The following BACE2 variants were observed in gnomAD, a reference collection of about 807,000 sequenced individuals.
The protein encoded by BACE2 is 56 kDa aspartic-like protease.
In BACE2, 17 loss-of-function variants were observed where a neutral mutation model predicts 46.2. The observed-to-expected ratio is 0.37, with a 90% confidence interval of 0.25 to 0.55. BACE2 has a LOEUF of 0.55. Among genes scored for constraint, BACE2 ranks in the 20% least tolerant of loss-of-function variants. The pLI is 0.82. For missense variants in BACE2, 595 were observed against 698.1 expected (o/e 0.85, Z 1.66); for synonymous variants, 277 against 295.9 (o/e 0.94, Z 0.66).
chr21:41,175,336 T>C (rs1399935576), intron 1 of BACE2: 1 of 152,046 alleles, frequency 6.6e-6, no homozygotes, highest in Non-Finnish European at 1.5e-5. Context: ...GTCTAGAGAG[T>C]AACGTGGCGA....
At chr21:41,250,956 C>G in intron 7 of BACE2, 55 bp downstream of exon 7, 1 of 1,523,104 alleles carries the variant, frequency 6.6e-7, no homozygotes, top group South Asian at 1.2e-5. Context: ...AGAAAGCACT[C>G]CATGCATGAC....
At chr21:41,190,541 G>A (rs1397628958) in intron 1 of BACE2, among the ~76,000 whole-genome samples, 1 of 152,214 alleles carries the variant, frequency 6.6e-6, no homozygotes, top group Non-Finnish European at 1.5e-5. Context: ...TCACGTGGTT[G>A]TAGCCGGTAT....
At chr21:41,173,113 A>G (rs1478968020) in intron 1 of BACE2, among the ~76,000 whole-genome samples, 1 of 152,208 alleles carries the variant, frequency 6.6e-6, no homozygotes. Context: ...TTTCTGAATA[A>G]GGTTAAGTTC....
intron 8 of BACE2, among the ~76,000 whole-genome samples, chr21:41,261,171 A>G (rs2123635673): frequency 6.6e-6 from 1 of 152,344 alleles, no homozygotes; most frequent in East Asian, 1.9e-4. Flanking sequence ...GAATTTCTAA[A>G]TGATTTATTA....
At chr21:41,179,164 G>A (rs148855535) in intron 1 of BACE2, 15,254 of 1,261,686 alleles carry the variant, frequency 0.012, 115 homozygotes, top group Non-Finnish European at 0.014. Flanking sequence ...TCCAGGGTGA[G>A]GAGTGAGGGT....
chr21:41,217,220 C>T (rs921853714), intron 1 of BACE2, among the ~76,000 whole-genome samples: 21 of 152,224 alleles, frequency 1.4e-4, no homozygotes, highest in Non-Finnish European at 2.9e-4. Context: ...TGAGCCACTG[C>T]GCCCGGCCCA....
At chr21:41,244,096 A>G (rs1222957484) in intron 5 of BACE2, among the ~76,000 whole-genome samples, 1 of 152,332 alleles carries the variant, frequency 6.6e-6, no homozygotes, top group Non-Finnish European at 1.5e-5. Flanking sequence ...TTCGTGACAC[A>G]TTATGACATT....
At chr21:41,224,674 G>A (rs114126456) in intron 1 of BACE2, among the ~76,000 whole-genome samples, 1,750 of 152,292 alleles carry the variant, frequency 0.011, 29 homozygotes, top group African/African-American at 0.038. Flanking sequence ...CTGAGACATC[G>A]TTCACTGGGG....
Position 41,168,447 on chromosome 21 carries a change from C to T in BACE2, c.184C>T (p.Leu62Phe). 1.4e-6 allele frequency: 2 copies of T among 1,399,080 alleles called. No homozygotes were observed. Among genetic ancestry groups the T allele is most frequent in the Non-Finnish European group, 1.9e-6 (2 of 1,074,366 alleles). The allele number at this position is 1,399,080 out of a possible 1,614,324, so 86.7% of individuals were successfully genotyped here. ...CGAGCGCCACGCCGACGGCTTGGCG[C>T]TCGCCCTGGAGCCTGCCCTGGCGTC... ...PAERHADGLA[L>F]ALEPALASPA... The change falls in exon 1 of 9, where the codon CTC (leucine) becomes TTC (phenylalanine). Residue 62 changes from leucine to phenylalanine, a missense_variant. Around this residue, in one of 3 missense-constraint regions of BACE2, gnomAD observed 248 missense variants for 261.4 expected, o/e 0.95. Coordinates refer to ENST00000330333, the MANE Select transcript of BACE2 (RefSeq NM_012105.5).
chr21:41,263,374 A>G (rs1284360262), intron 8 of BACE2, among the ~76,000 whole-genome samples: 1 of 152,196 alleles, frequency 6.6e-6, no homozygotes. Flanking sequence ...TAAGTAATAC[A>G]TACTTTAGTA....
intron 1 of BACE2, among the ~76,000 whole-genome samples, chr21:41,174,630 G>A (rs1032075384): frequency 5.3e-5 from 8 of 152,132 alleles, no homozygotes; most frequent in Non-Finnish European, 1.0e-4. Context: ...TACCTGTGCT[G>A]GAGAAGAGGT....
intron 1 of BACE2, chr21:41,178,900 T>G (rs1398046829): frequency 3.2e-6 from 1 of 311,084 alleles, no homozygotes; most frequent in East Asian, 8.6e-5. Context: ...TGTGAGACAG[T>G]GCCATGTGGG....
chr21:41,240,371 C>G (rs1055018652), intron 3 of BACE2, among the ~76,000 whole-genome samples: 7 of 152,236 alleles, frequency 4.6e-5, no homozygotes, highest in Non-Finnish European at 8.8e-5. Context: ...CTTTTAATCC[C>G]TAGAGGGATC....
intron 1 of BACE2, among the ~76,000 whole-genome samples, chr21:41,221,197 G>A (rs73366427): frequency 0.011 from 1,610 of 152,266 alleles, 28 homozygotes; most frequent in African/African-American, 0.037. Context: ...AAGTCACAAA[G>A]TAGCTTTTCG....
At chr21:41,194,883 T>G (rs1205057475) in intron 1 of BACE2, among the ~76,000 whole-genome samples, 1 of 152,228 alleles carries the variant, frequency 6.6e-6, no homozygotes, top group Non-Finnish European at 1.5e-5. Flanking sequence ...GCAGGACACA[T>G]CTGAAAGTCT....
At chr21:41,188,223 C>T (rs1985446010) in intron 1 of BACE2, among the ~76,000 whole-genome samples, 1 of 152,158 alleles carries the variant, frequency 6.6e-6, no homozygotes, top group Admixed American at 6.5e-5. Flanking sequence ...GCAGAACCCA[C>T]GTCTTCCCCT....
At position 41,275,358 on chromosome 21, in the gene BACE2, T is replaced by C. The variant is rs765503270; in HGVS notation, c.1304-13T>C. 97 of 1,613,838 alleles carry C rather than the reference T, an allele frequency of 6.0e-5. 1 individual carries two copies. Among genetic ancestry groups the C allele is most frequent in the South Asian group, 1.1e-4 (10 of 91,070 alleles). ...ATTTCACAGCTGTGGATTTTCCCTT[T>C]CTGTCTCCCCAGAAATTGCAGGTGC... On this transcript the variant is annotated splice_polypyrimidine_tract_variant and intron_variant, in intron 8 of 8. Coordinates refer to ENST00000330333, the MANE Select transcript of BACE2 (RefSeq NM_012105.5).
At chr21:41,199,162 GT>G (rs1029128665) in intron 1 of BACE2, among the ~76,000 whole-genome samples, 3 of 151,818 alleles carry the variant, frequency 2.0e-5, no homozygotes, top group African/African-American at 7.3e-5. Flanking sequence ...CAGAATGATG[GT>G]TCACCGCCTT....
At chr21:41,256,202 C>T (rs1194751403) in intron 7 of BACE2, among the ~76,000 whole-genome samples, 1 of 152,036 alleles carries the variant, frequency 6.6e-6, no homozygotes, top group Non-Finnish European at 1.5e-5. Flanking sequence ...CAACCCGTCA[C>T]CTGCATTAGG....
Sources: gnomAD v4.1 joint callset for allele counts (sites outside exome capture counted in the v4.1 genomes callset) on GRCh38, gnomAD v4.1.1 for gene constraint, gnomAD v4.1.1 regional missense constraint, MANE v1.5 for transcripts, NCBI Gene and HGNC (gene_info 2026-07-23, HGNC 2026-07-21) for gene names.